ABCC9: variants seen among roughly 807,000 people sequenced by gnomAD.
ABCC9 encodes the protein ATP-binding cassette sub-family C member 9.
A neutral mutation model predicts 188.3 loss-of-function variants in ABCC9; 95 were observed. The ratio of observed to expected loss-of-function variants is 0.50; its 90% CI spans 0.43 to 0.60. The LOEUF is 0.60. Ranked by LOEUF, ABCC9 falls within the 20% of genes least tolerant of loss-of-function variation. The pLI, the probability that ABCC9 is intolerant of heterozygous loss-of-function variation, is 0.00. For synonymous variants in ABCC9, 659 were observed against 652.7 expected, an observed-to-expected ratio of 1.01 and a Z score of -0.15; for missense variants, 1,102 against 1,876.3, an observed-to-expected ratio of 0.59 and a Z score of 7.62.
At chr12:21,818,633 T>G (rs1942833988) in intron 31 of ABCC9, among the ~76,000 whole-genome samples, 1 of 147,618 alleles carries the variant, frequency 6.8e-6, no homozygotes, top group Non-Finnish European at 1.5e-5. Context: ...AAGGATCAGA[T>G]GTAGGGTTTA....
At chr12:21,908,036 T>G in intron 11 of ABCC9, 41 bp downstream of exon 11, 1 of 1,599,914 alleles carries the variant, frequency 6.3e-7, no homozygotes, top group Non-Finnish European at 8.6e-7. Flanking sequence ...AAAACAGCAT[T>G]TCTCATTTTT....
rs996266050 is a variant in ABCC9, at chr12:21,906,193, A to G, written c.1551T>C (p.Ser517=). ...LYAWEHIFCK[S]VEETRMKELS... ...GTTCTTTCATTCTTGTTTCCTCCAC[A>G]CTTTTGCAGAAAATGTGTTCCCAGG... Residue 517 remains serine (S), a synonymous_variant, in exon 12 of 40, where the codon AGT becomes AGC. Coordinates refer to ENST00000261200, the MANE Select transcript of ABCC9 (RefSeq NM_020297.4). 9.9e-6 allele frequency: 16 copies of G among 1,613,072 alleles called. No individual in the cohort carries two copies. The highest frequency in any genetic ancestry group is 3.3e-5 in the Admixed American group (2 of 59,860).
chr12:21,818,102 A>C (rs777614132), intron 32 of ABCC9, 48 bp downstream of exon 32: 7 of 1,341,812 alleles, frequency 5.2e-6, no homozygotes, highest in Admixed American at 3.4e-5. Flanking sequence ...GAGTGAGAAC[A>C]TGCGGTGTTT....
chr12:21,939,285 C>G (rs140797865), intron 2 of ABCC9, among the ~76,000 whole-genome samples: 1 of 152,118 alleles, frequency 6.6e-6, no homozygotes, highest in African/African-American at 2.4e-5. Context: ...CCTCATTTAT[C>G]CTTTCCCTTT....
chr12:21,903,963 A>G (rs991997428), intron 12 of ABCC9, among the ~76,000 whole-genome samples: 35 of 152,180 alleles, frequency 2.3e-4, no homozygotes, highest in Admixed American at 3.9e-4. Context: ...AAAAGAGCCC[A>G]CATTGCCAAG....
At chr12:21,830,146 T>A (rs2137283709) in intron 30 of ABCC9, among the ~76,000 whole-genome samples, 1 of 152,348 alleles carries the variant, frequency 6.6e-6, no homozygotes, top group East Asian at 1.9e-4. Context: ...CTGTGTAACC[T>A]ATTTTATAAA....
intron 16 of ABCC9, among the ~76,000 whole-genome samples, chr12:21,879,086 T>C (rs1218310940): frequency 6.6e-6 from 1 of 152,138 alleles, no homozygotes; most frequent in African/African-American, 2.4e-5. Flanking sequence ...ATAAGTAAAA[T>C]GCAGCGACAC....
chr12:21,890,860 A>G (rs1479863342), intron 14 of ABCC9, among the ~76,000 whole-genome samples: 3 of 152,174 alleles, frequency 2.0e-5, no homozygotes, highest in African/African-American at 7.2e-5. Flanking sequence ...TAGGAGATAT[A>G]CCTAATGCTA....
rs1948042190 is a variant in ABCC9 at position 21,906,256 on chromosome 12, A to G, written c.1488T>C (p.Asn496=). The G allele has an allele frequency of 6.8e-6, 11 of 1,612,344 alleles. No homozygotes were observed. The East Asian group carries it at 1.8e-4, about 26-fold the overall frequency. ...DYSTERLKKT[N]EILKGIKLLK... ...GAAGTTTGATGCCTTTCAATATTTC[A>G]TTTGTTTTCTTGAGTCTCTCAGTGG... is the stretch of plus-strand genomic sequence containing the variant. The change falls in exon 12 of 40, where the codon AAT becomes AAC. Residue 496 remains asparagine, a synonymous_variant. Coordinates refer to ENST00000261200, the MANE Select transcript of ABCC9 (RefSeq NM_020297.4).
intron 33 of ABCC9, among the ~76,000 whole-genome samples, chr12:21,816,202 A>G (rs1353210374): frequency 6.6e-6 from 1 of 151,738 alleles, no homozygotes; most frequent in African/African-American, 2.4e-5. Flanking sequence ...ACTCAATTCT[A>G]TTCAAAGTGG....
At chr12:21,821,307 T>C (rs982707248) in intron 31 of ABCC9, among the ~76,000 whole-genome samples, 3 of 152,220 alleles carry the variant, frequency 2.0e-5, no homozygotes, top group Non-Finnish European at 4.4e-5. Context: ...AATATGACTG[T>C]CTCTTAAAAA....
At chr12:21,845,033 AGACGG>A in intron 26 of ABCC9, 118 bp from the exon 27 acceptor site, 1 of 1,310,440 alleles carries the variant, frequency 7.6e-7, no homozygotes, top group Non-Finnish European at 1.1e-6. Context: ...GCATGCATTT[AGACGG>A]TTGAAGGAAT....
chr12:21,858,960 C>T (rs1945365224), intron 22 of ABCC9, among the ~76,000 whole-genome samples: 1 of 151,968 alleles, frequency 6.6e-6, no homozygotes, highest in Admixed American at 6.6e-5. Context: ...CCAAAATAGA[C>T]CAAAATTATA....
chr12:21,914,159 T>C (rs1344570), intron 7 of ABCC9, among the ~76,000 whole-genome samples: 150,891 of 152,286 alleles, frequency 0.99, 74,771 homozygotes, highest in East Asian at 1. Flanking sequence ...ACCATAAATG[T>C]TTCATTGATC....
In ABCC9 at chr12:21,915,400, A is replaced by G. The variant is rs576002283; in HGVS notation, c.816+268T>C. Among the ~76,000 whole-genome samples the G allele has an allele frequency of 3.3e-4, 43 of 128,542 alleles. No individual in the cohort carries two copies. In the East Asian group the frequency reaches 8.3e-3, roughly 25 times the overall value. 84.3% of individuals were successfully genotyped at this position (128,542 alleles called of 152,430 possible). A position where few individuals can be genotyped will look rare whatever the true frequency, so the allele number is the denominator to read the frequency against. ...TATATATAGACATGTGTATATATGTATGTGTATATAGACACGTGTATATAT... is the reference window on the plus strand; with the variant it reads ...TATATATAGACATGTGTATATATGTGTGTGTATATAGACACGTGTATATAT... On this transcript the variant is annotated intron_variant, in intron 7 of 39. Coordinates refer to ENST00000261200, the MANE Select transcript of ABCC9 (RefSeq NM_020297.4).
intron 30 of ABCC9, among the ~76,000 whole-genome samples, chr12:21,829,986 C>A (rs2112080): frequency 1.5e-4 from 23 of 152,030 alleles, no homozygotes; most frequent in African/African-American, 5.5e-4. Flanking sequence ...ATGCTCTACA[C>A]CCCCAAATTC....
intron 22 of ABCC9, among the ~76,000 whole-genome samples, chr12:21,854,374 C>A (rs1400398819): frequency 1.3e-5 from 2 of 152,050 alleles, no homozygotes; most frequent in Non-Finnish European, 2.9e-5. Context: ...ATTAACAAAG[C>A]ATTTTGATAG....
chr12:21,865,814 C>T (rs150898026), intron 18 of ABCC9, among the ~76,000 whole-genome samples: 278 of 152,154 alleles, frequency 1.8e-3, no homozygotes, highest in African/African-American at 6.4e-3. Context: ...TTCCTAGTGC[C>T]ACACGTTAGA....
intron 22 of ABCC9, among the ~76,000 whole-genome samples, chr12:21,855,076 C>T (rs988760095): frequency 6.6e-6 from 1 of 152,052 alleles, no homozygotes; most frequent in Non-Finnish European, 1.5e-5. Context: ...CATTAAAACC[C>T]CAAGAATAAT....
Sources: gnomAD v4.1 joint callset for allele counts (sites outside exome capture counted in the v4.1 genomes callset) on GRCh38, gnomAD v4.1.1 for gene constraint, MANE v1.5 for transcripts, NCBI Gene and HGNC (gene_info 2026-07-23, HGNC 2026-07-21) for gene names.